The following PANK1 variants were observed in gnomAD, a reference collection of about 807,000 sequenced individuals.
PANK1 encodes the protein pantothenic acid kinase 1.
In PANK1, 18 loss-of-function variants were observed where a neutral mutation model predicts 40.1. The observed-to-expected ratio is 0.45, with a 90% confidence interval of 0.31 to 0.67. The LOEUF (loss-of-function observed/expected upper bound fraction) is 0.67, where lower values mean the gene tolerates loss of function less well. PANK1 is among the 30% of genes least tolerant of loss of function. PANK1 has a pLI of 0.06. For synonymous variants in PANK1, 242 were observed against 237.7 expected, an observed-to-expected ratio of 1.02 and a Z score of -0.17; for missense variants, 457 against 599.6, an observed-to-expected ratio of 0.76 and a Z score of 2.48.
At chr10:89,588,536 TG>T in intron 6 of PANK1, 115 bp downstream of exon 6, 2 of 710,940 alleles carry the variant, frequency 2.8e-6, no homozygotes, top group Non-Finnish European at 4.3e-6. Context: ...AAATGCAAAG[TG>T]TAAATGGCAA....
At chr10:89,593,713 A>G (rs535942607) in intron 4 of PANK1, 100 bp downstream of exon 4, 56 of 852,888 alleles carry the variant, frequency 6.6e-5, no homozygotes, top group Admixed American at 3.7e-5. Flanking sequence ...TATCTGCACC[A>G]GGCTGGTGGA....
At chr10:89,628,185 C>T (rs1244337208) in intron 1 of PANK1, among the ~76,000 whole-genome samples, 5 of 151,934 alleles carry the variant, frequency 3.3e-5, no homozygotes, top group Non-Finnish European at 7.4e-5. Context: ...GTGTATATAC[C>T]CAAGAGAAGT....
At chr10:89,590,621 A>G (rs572252398) in intron 5 of PANK1, among the ~76,000 whole-genome samples, 2 of 152,332 alleles carry the variant, frequency 1.3e-5, no homozygotes, top group South Asian at 4.1e-4. Context: ...TATACCGTAT[A>G]CAAATACACT....
Position 89,584,411 on chromosome 10 carries a change from T to C in PANK1, c.1381A>G (p.Lys461Glu). 1 of 1,599,326 alleles carries C rather than the reference T, an allele frequency of 6.3e-7. No homozygotes were observed. Among genetic ancestry groups the C allele is most frequent in the Non-Finnish European group, 8.6e-7 (1 of 1,166,606 alleles). The change falls in exon 7 of 7, where the codon AAG (lysine) becomes GAG (glutamate). Residue 461 changes from lysine to glutamate, a missense_variant. This residue lies in a region of PANK1 where 22 missense variants were observed against 24.6 expected (regional missense o/e 0.89). Coordinates refer to ENST00000307534, the MANE Select transcript of PANK1 (RefSeq NM_148977.3). ...LLELFKMTDD[K>E] ...GTTTCCTCCACTGCTCGTCTCTACT[T>C]GTCATCAGTCATTTTGAACAGTTCC...
chr10:89,645,072 C>T lies in PANK1; in HGVS notation c.-181G>A, dbSNP rs745983859. 1.9e-6 allele frequency: 3 copies of T among 1,544,648 alleles called. No homozygotes were observed. The South Asian group carries it at 3.6e-5, about 18-fold the overall frequency. On this transcript the variant is annotated 5_prime_UTR_variant, in exon 1 of 7. Transcript: ENST00000307534. ...CTCCTCCTGCCGACTCCCCCACCTC[C>T]TCTGCGCCCTGCCCCCCGCGCGCCG...
rs184825419 is a variant in PANK1, at chr10:89,585,796, G to C, written c.1327-1331C>G. ...AGTGAGGACTCCTAAGGCCAGGGCA[G>C]GTGACCAGAAAGCCACCATACCCGT... is the stretch of plus-strand genomic sequence containing the variant. On this transcript the variant is annotated intron_variant, in intron 6 of 6. Transcript: ENST00000307534. Among the ~76,000 whole-genome samples the C allele has an allele frequency of 1.1e-3, 173 of 152,320 alleles. 2 individuals carry two copies. The highest frequency in any genetic ancestry group is 3.9e-3 in the African/African-American group (164 of 41,574).
chr10:89,605,654 G>C (rs1345230121), intron 2 of PANK1, among the ~76,000 whole-genome samples: 2 of 152,108 alleles, frequency 1.3e-5, no homozygotes, highest in Non-Finnish European at 2.9e-5. Flanking sequence ...CTTGAACTCT[G>C]TCCATGAGGC....
chr10:89,596,513 A>G (rs1262816152), intron 3 of PANK1, among the ~76,000 whole-genome samples: 2 of 152,250 alleles, frequency 1.3e-5, no homozygotes, highest in Non-Finnish European at 2.9e-5. Flanking sequence ...CACTGCAGAT[A>G]GGAGGAAAGA....
rs548408446 is a variant in PANK1 at position 89,639,884 on chromosome 10, T to G, written c.292+4716A>C. Among the ~76,000 whole-genome samples the G allele has an allele frequency of 2.0e-4, 31 of 152,358 alleles. 1 individual carries two copies. In the South Asian group the frequency reaches 6.4e-3, roughly 32 times the overall value. ...AAGTGCTCCTCAATGTTGGCCACTGTTACCTCCACAGACACATGGATGAGC... is the reference window on the plus strand; with the variant it reads ...AAGTGCTCCTCAATGTTGGCCACTGGTACCTCCACAGACACATGGATGAGC... On this transcript the variant is annotated intron_variant, in intron 1 of 6. Coordinates refer to ENST00000307534, the MANE Select transcript of PANK1 (RefSeq NM_148977.3).
At chr10:89,644,397 AG>A (rs1842052100) in intron 1 of PANK1, among the ~76,000 whole-genome samples, 1 of 152,234 alleles carries the variant, frequency 6.6e-6, no homozygotes, top group African/African-American at 2.4e-5. Context: ...AAGCGAGCAA[AG>A]GGCAGGCTCA....
At chr10:89,638,767 G>T (rs1196956228) in intron 1 of PANK1, among the ~76,000 whole-genome samples, 1 of 152,102 alleles carries the variant, frequency 6.6e-6, no homozygotes, top group African/African-American at 2.4e-5. Context: ...TTTTCCATCT[G>T]AGATCTCATC....
At chr10:89,643,833 C>T (rs1589827246) in intron 1 of PANK1, 1 of 1,573,464 alleles carries the variant, frequency 6.4e-7, no homozygotes. Context: ...GGGGAAGGTA[C>T]ACTTTACAAA....
rs1234972458 is a variant in PANK1 at position 89,583,839 on chromosome 10, A to G, written c.*567T>C. 5 of 152,656 alleles carry G rather than the reference A, an allele frequency of 3.3e-5. No individual in the cohort carries two copies. The highest frequency in any genetic ancestry group is 1.2e-4 in the African/African-American group (5 of 41,464). 9.5% of individuals were successfully genotyped at this position (152,656 alleles called of 1,614,324 possible). On this transcript the variant is annotated 3_prime_UTR_variant, in exon 7 of 7. Coordinates refer to ENST00000307534, the MANE Select transcript of PANK1 (RefSeq NM_148977.3). The stretch of plus-strand genomic sequence containing the variant: ...GGAGGGACATCATCTGAGGACAGAA[A>G]CAGAGGGAACGACTCTTTTTTCAGA...
At chr10:89,636,147 C>T (rs191247574) in intron 1 of PANK1, among the ~76,000 whole-genome samples, 2 of 152,248 alleles carry the variant, frequency 1.3e-5, no homozygotes, top group African/African-American at 2.4e-5. Context: ...CTTTACTAGG[C>T]ATTGCTCTAG....
intron 2 of PANK1, among the ~76,000 whole-genome samples, chr10:89,607,584 A>C (rs919394141): frequency 7.9e-5 from 12 of 152,380 alleles, no homozygotes; most frequent in African/African-American, 2.9e-4. Flanking sequence ...TAAAAAATGC[A>C]ATACAACAAG....
intron 1 of PANK1, among the ~76,000 whole-genome samples, chr10:89,619,273 C>A (rs756649892): frequency 6.6e-6 from 1 of 152,100 alleles, no homozygotes; most frequent in Non-Finnish European, 1.5e-5. Context: ...TTCTTGAAGG[C>A]TTTTTCAGAA....
chr10:89,608,926 C>A (rs773751180), intron 2 of PANK1, among the ~76,000 whole-genome samples: 24 of 152,224 alleles, frequency 1.6e-4, no homozygotes, highest in Non-Finnish European at 3.4e-4. Context: ...CACACTCTTT[C>A]TTTGCATGAT....
At chr10:89,587,698 A>G (rs188181612) in intron 6 of PANK1, among the ~76,000 whole-genome samples, 322 of 152,286 alleles carry the variant, frequency 2.1e-3, no homozygotes, top group African/African-American at 7.6e-3. Context: ...AAAGATTGGT[A>G]AGTAAGTGCA....
chr10:89,645,104 C>A lies in PANK1; in HGVS notation c.-213G>T, dbSNP rs1456329136. On this transcript the variant is annotated 5_prime_UTR_variant, in exon 1 of 7. Coordinates refer to ENST00000307534, the MANE Select transcript of PANK1 (RefSeq NM_148977.3). The stretch of plus-strand genomic sequence containing the variant: ...CCCTGCCCCCCGCGCGCCGGCCCCA[C>A]GGCGCCGGCCTGGAGCACGCCAGCC... The A allele has an allele frequency of 6.8e-7, 1 of 1,465,948 alleles. No homozygotes were observed. Among genetic ancestry groups the A allele is most frequent in the Non-Finnish European group, 9.0e-7 (1 of 1,115,850 alleles). 90.8% of individuals were successfully genotyped at this position (1,465,948 alleles called of 1,614,324 possible).
Sources: allele counts gnomAD v4.1 joint callset (sites outside exome capture counted in the v4.1 genomes callset), GRCh38; gene constraint gnomAD v4.1.1; regional missense constraint gnomAD v4.1.1; transcripts MANE v1.5; gene names NCBI Gene and HGNC (gene_info 2026-07-23, HGNC 2026-07-21).